Variants in PRR16 observed in about 807,000 individuals in gnomAD.
PRR16 encodes proline rich 16.
A neutral mutation model predicts 18.2 loss-of-function variants in PRR16; 6 were observed. That is an observed-to-expected ratio of 0.33 (90% CI 0.18 to 0.65). The LOEUF is 0.65. PRR16 is among the 30% of genes least tolerant of loss of function. The pLI, the probability that PRR16 is intolerant of heterozygous loss-of-function variation, is 0.74. For missense variants in PRR16, 412 were observed against 376.6 expected (o/e 1.09, Z -0.78); for synonymous variants, 151 against 147.8 (o/e 1.02, Z -0.16).
At chr5:120,469,367 G>C (rs1444407449) in intron 1 of PRR16, among the ~76,000 whole-genome samples, 1 of 152,168 alleles carries the variant, frequency 6.6e-6, no homozygotes, top group Non-Finnish European at 1.5e-5. Context: ...TGTCACTTAG[G>C]TTGTAGGGCA....
the PRR16 span, among the ~76,000 whole-genome samples, chr5:120,698,899 A>G: frequency 6.6e-6 from 1 of 152,150 alleles, no homozygotes; most frequent in African/African-American, 2.4e-5. Flanking sequence ...GGCTGATTTG[A>G]CTAATAAAGG....
At chr5:120,706,700 CAAAT>C in the PRR16 span, among the ~76,000 whole-genome samples, 1 of 152,098 alleles carries the variant, frequency 6.6e-6, no homozygotes, top group Non-Finnish European at 1.5e-5. Flanking sequence ...TAACTCTTGT[CAAAT>C]AAAAATTGCA....
intron 1 of PRR16, among the ~76,000 whole-genome samples, chr5:120,550,344 A>G (rs915560167): frequency 3.9e-5 from 6 of 152,086 alleles, no homozygotes; most frequent in Non-Finnish European, 7.4e-5. Context: ...CAAATATGGA[A>G]AAGCCCAAAG....
intron 1 of PRR16, among the ~76,000 whole-genome samples, chr5:120,568,828 G>C (rs1012874946): frequency 2.0e-5 from 3 of 152,060 alleles, no homozygotes; most frequent in Non-Finnish European, 4.4e-5. Flanking sequence ...AACCATCTGA[G>C]TAGAATTTTT....
rs1750817151 is a variant in PRR16, at chr5:120,511,298, C to T, written c.159+46653C>T. 4.6e-5 allele frequency among the ~76,000 whole-genome samples: 7 copies of T among 152,072 alleles called. No homozygotes were observed. In the South Asian group the frequency reaches 1.5e-3, roughly 32 times the overall value. On this transcript the variant is annotated intron_variant, in intron 1 of 1. Coordinates refer to ENST00000407149, the MANE Select transcript of PRR16 (RefSeq NM_001300783.2). ...TTTGTCTGTCACTGGGACCAAAAAA[C>T]CCATATTTTTGGGCCAAAATGGACT...
At chr5:120,706,800 T>C in the PRR16 span, among the ~76,000 whole-genome samples, 1 of 152,150 alleles carries the variant, frequency 6.6e-6, no homozygotes, top group Non-Finnish European at 1.5e-5. Flanking sequence ...AAAGATCGAA[T>C]TCAACTTCTT....
At chr5:120,544,771 G>A (rs948510722) in intron 1 of PRR16, among the ~76,000 whole-genome samples, 1 of 151,918 alleles carries the variant, frequency 6.6e-6, no homozygotes, top group African/African-American at 2.4e-5. Context: ...AGACTAGGAG[G>A]CCTCAAGCTC....
intron 1 of PRR16, among the ~76,000 whole-genome samples, chr5:120,613,158 C>T (rs1754388071): frequency 6.6e-6 from 1 of 151,946 alleles, no homozygotes; most frequent in African/African-American, 2.4e-5. Context: ...GCTATAATGT[C>T]AAGTAAAATG....
intron 1 of PRR16, among the ~76,000 whole-genome samples, chr5:120,498,339 A>T (rs1202659003): frequency 6.7e-6 from 1 of 148,958 alleles, no homozygotes; most frequent in Non-Finnish European, 1.5e-5. Flanking sequence ...ATATATACAT[A>T]TACATATATA....
chr5:120,496,725 A>G (rs945797076), intron 1 of PRR16, among the ~76,000 whole-genome samples: 13 of 151,566 alleles, frequency 8.6e-5, no homozygotes, highest in African/African-American at 3.1e-4. Flanking sequence ...TCCTATATTT[A>G]TTGCTAACTT....
At chr5:120,737,307 GTTTTTTTTTTTTTTTTTTTT>G in the PRR16 span, among the ~76,000 whole-genome samples, 29 of 51,100 alleles carry the variant, frequency 5.7e-4, 1 homozygote, top group South Asian at 0.028. Context: ...AGTTTGTTGA[GTTTTTTTTTTTTTTTTTTTT>G]TTTTTTTTTT....
At chr5:120,778,656 G>C in the PRR16 span, among the ~76,000 whole-genome samples, 4 of 152,112 alleles carry the variant, frequency 2.6e-5, no homozygotes, top group African/African-American at 9.7e-5. Context: ...ATTAGTCATG[G>C]CTGACCAAAC....
the PRR16 span, among the ~76,000 whole-genome samples, chr5:120,740,552 C>A: frequency 6.6e-6 from 1 of 152,088 alleles, no homozygotes; most frequent in African/African-American, 2.4e-5. Flanking sequence ...GGGTCTATTT[C>A]TGCCTCTGTA....
intron 1 of PRR16, among the ~76,000 whole-genome samples, chr5:120,504,003 T>C (rs1750558246): frequency 6.6e-6 from 1 of 152,026 alleles, no homozygotes; most frequent in Non-Finnish European, 1.5e-5. Context: ...TATTCCATGA[T>C]GTATATGTGC....
chr5:120,581,956 A>C (rs1753286338), intron 1 of PRR16, among the ~76,000 whole-genome samples: 3 of 152,124 alleles, frequency 2.0e-5, no homozygotes, highest in Non-Finnish European at 4.4e-5. Context: ...TTATGTGGCC[A>C]ATTTTAGAGT....
the PRR16 span, among the ~76,000 whole-genome samples, chr5:120,696,982 TA>T: frequency 0.96 from 145,527 of 152,260 alleles, 69,794 homozygotes; most frequent in East Asian, 1. Context: ...ACCAAGAAAA[TA>T]AAAAGTTAGG....
chr5:120,664,939 C>A (rs1344762144), intron 1 of PRR16, among the ~76,000 whole-genome samples: 4 of 151,968 alleles, frequency 2.6e-5, no homozygotes, highest in Admixed American at 1.3e-4. Context: ...ATCTTTATAG[C>A]AGTGTGATTT....
intron 1 of PRR16, among the ~76,000 whole-genome samples, chr5:120,672,603 G>A (rs1184955726): frequency 6.6e-6 from 1 of 151,778 alleles, no homozygotes; most frequent in Non-Finnish European, 1.5e-5. Context: ...TTCTGTAACT[G>A]CAAGGCAAAG....
Position 120,609,434 on chromosome 5 carries a change from T to G in PRR16, c.160-76520T>G, listed in dbSNP as rs2045185. Among the ~76,000 whole-genome samples the G allele has an allele frequency of 7.7e-3, 1,177 of 152,266 alleles. 17 individuals are homozygous for G. Among genetic ancestry groups the G allele is most frequent in the African/African-American group, 0.027 (1,117 of 41,544 alleles). The stretch of plus-strand genomic sequence containing the variant: ...AAAAAAAATTTTTAAAAAAGGAATA[T>G]TCTTTATTGAGTTGTTTACTTAGCT... On this transcript the variant is annotated intron_variant, in intron 1 of 1. Coordinates refer to ENST00000407149, the MANE Select transcript of PRR16 (RefSeq NM_001300783.2).
Sources: allele counts gnomAD v4.1 joint callset (sites outside exome capture counted in the v4.1 genomes callset), GRCh38; gene constraint gnomAD v4.1.1; transcripts MANE v1.5; gene names NCBI Gene and HGNC (gene_info 2026-07-23, HGNC 2026-07-21).